The following KCNIP4 variants were observed in gnomAD, a reference collection of about 807,000 sequenced individuals.
KCNIP4 encodes Kv channel-interacting protein 4.
KCNIP4 carries 12 observed loss-of-function variants against 34.0 expected under a neutral mutation model. The ratio of observed to expected loss-of-function variants is 0.35; its 90% CI spans 0.23 to 0.57. KCNIP4 has a LOEUF of 0.57. KCNIP4 is among the 20% of genes least tolerant of loss of function. KCNIP4 has a pLI of 0.83. For missense variants in KCNIP4, 238 were observed against 311.7 expected (o/e 0.76, Z 1.78); for synonymous variants, 124 against 102.2 (o/e 1.21, Z -1.29).
chr4:21,371,721 G>C (rs1243004436), intron 1 of KCNIP4, among the ~76,000 whole-genome samples: 3 of 147,122 alleles, frequency 2.0e-5, no homozygotes. Flanking sequence ...GAATGTACTA[G>C]AAAGAAACAT....
chr4:20,776,418 C>T (rs753716614), intron 3 of KCNIP4, among the ~76,000 whole-genome samples: 39 of 152,184 alleles, frequency 2.6e-4, no homozygotes, highest in Non-Finnish European at 4.6e-4. Context: ...GTTATCTTTG[C>T]TGGGAGATGA....
intron 1 of KCNIP4, among the ~76,000 whole-genome samples, chr4:21,772,556 G>A (rs1431396073): frequency 6.6e-6 from 1 of 151,960 alleles, no homozygotes; most frequent in Non-Finnish European, 1.5e-5. Context: ...TCTGGTCCTG[G>A]GCTTTTATTT....
intron 1 of KCNIP4, among the ~76,000 whole-genome samples, chr4:20,943,846 T>C (rs904397470): frequency 5.9e-5 from 9 of 152,224 alleles, no homozygotes; most frequent in African/African-American, 2.2e-4. Flanking sequence ...TGTCAAATTA[T>C]TGACAATTTT....
chr4:21,314,012 A>G (rs1560282019), intron 1 of KCNIP4, among the ~76,000 whole-genome samples: 1 of 152,172 alleles, frequency 6.6e-6, no homozygotes. Flanking sequence ...GGCTGTGATC[A>G]TATCTGAAGC....
At chr4:21,209,806 A>G (rs572788149) in intron 1 of KCNIP4, among the ~76,000 whole-genome samples, 1 of 152,312 alleles carries the variant, frequency 6.6e-6, no homozygotes, top group South Asian at 2.1e-4. Context: ...TAGGTTCGTG[A>G]TAACTGAGTT....
intron 2 of KCNIP4, among the ~76,000 whole-genome samples, chr4:20,871,224 T>A (rs953365585): frequency 3.3e-5 from 5 of 152,062 alleles, no homozygotes; most frequent in African/African-American, 1.2e-4. Flanking sequence ...CTCTCTCCCA[T>A]GGGCCTGAAA....
intron 2 of KCNIP4, among the ~76,000 whole-genome samples, chr4:20,869,466 TGAG>T (rs1273266978): frequency 2.6e-5 from 4 of 152,158 alleles, no homozygotes; most frequent in Admixed American, 2.6e-4. Context: ...GTTCATATAA[TGAG>T]TAGTAGTATT....
intron 1 of KCNIP4, among the ~76,000 whole-genome samples, chr4:20,907,719 T>A (rs1354558591): frequency 6.6e-6 from 1 of 152,154 alleles, no homozygotes; most frequent in Non-Finnish European, 1.5e-5. Flanking sequence ...ATGTAAATTT[T>A]TTTATTTTTT....
intron 1 of KCNIP4, among the ~76,000 whole-genome samples, chr4:21,135,010 C>T (rs1751391682): frequency 6.6e-6 from 1 of 152,206 alleles, no homozygotes; most frequent in Non-Finnish European, 1.5e-5. Context: ...AGAACTAGAA[C>T]ATGACAATCT....
chr4:21,243,623 C>T (rs1236470428), intron 1 of KCNIP4, among the ~76,000 whole-genome samples: 1 of 152,124 alleles, frequency 6.6e-6, no homozygotes, highest in Non-Finnish European at 1.5e-5. Flanking sequence ...AACTCCAGAA[C>T]TAGAAACTCT....
intron 1 of KCNIP4, among the ~76,000 whole-genome samples, chr4:21,643,254 T>C (rs1449135294): frequency 6.6e-6 from 1 of 152,208 alleles, no homozygotes; most frequent in Non-Finnish European, 1.5e-5. Flanking sequence ...ACTTAAGTAA[T>C]GTTAACTTTA....
intron 1 of KCNIP4, among the ~76,000 whole-genome samples, chr4:20,957,787 T>C (rs1240540748): frequency 7.2e-5 from 11 of 152,212 alleles, no homozygotes; most frequent in Admixed American, 5.9e-4. Context: ...ACATTAATAC[T>C]TGTAATTTAA....
chr4:21,074,213 T>A (rs1209761370), intron 1 of KCNIP4, among the ~76,000 whole-genome samples: 1 of 152,198 alleles, frequency 6.6e-6, no homozygotes, highest in South Asian at 2.1e-4. Context: ...GAAGGAATGG[T>A]ATCAGCTCCT....
At chr4:21,247,865 T>TATATACAC (rs1553845757) in intron 1 of KCNIP4, among the ~76,000 whole-genome samples, 2 of 122,438 alleles carry the variant, frequency 1.6e-5, no homozygotes, top group Admixed American at 1.7e-4. Context: ...TATATATATA[T>TATATACAC]ACACACACAC....
chr4:20,977,176 C>T (rs534914039), intron 1 of KCNIP4, among the ~76,000 whole-genome samples: 1 of 152,128 alleles, frequency 6.6e-6, no homozygotes, highest in African/African-American at 2.4e-5. Flanking sequence ...ACCTCCTATC[C>T]CAGCTAATAT....
At chr4:21,654,705 C>T (rs1436081879) in intron 1 of KCNIP4, among the ~76,000 whole-genome samples, 5 of 151,946 alleles carry the variant, frequency 3.3e-5, no homozygotes, top group Admixed American at 6.6e-5. Context: ...AGGCAGATCA[C>T]GAGGTCAGGA....
At chr4:21,158,315 A>G (rs567411543) in intron 1 of KCNIP4, among the ~76,000 whole-genome samples, 1 of 152,220 alleles carries the variant, frequency 6.6e-6, no homozygotes, top group Non-Finnish European at 1.5e-5. Flanking sequence ...AGCCAGCATT[A>G]CCCCAGTATC....
intron 3 of KCNIP4, among the ~76,000 whole-genome samples, chr4:20,823,220 T>C (rs576354058): frequency 2.0e-5 from 3 of 152,304 alleles, no homozygotes; most frequent in African/African-American, 7.2e-5. Context: ...CCTGTATGAC[T>C]GGCGCATAGA....
intron 1 of KCNIP4, among the ~76,000 whole-genome samples, chr4:21,866,697 G>GA (rs1247100407): frequency 2.8e-5 from 4 of 145,410 alleles, no homozygotes; most frequent in Non-Finnish European, 4.5e-5. Flanking sequence ...TTCTGTTTCA[G>GA]AAAAATGTAA....
Sources: gnomAD v4.1 joint callset for allele counts (sites outside exome capture counted in the v4.1 genomes callset) on GRCh38, gnomAD v4.1.1 for gene constraint, MANE v1.5 for transcripts, NCBI Gene and HGNC (gene_info 2026-07-23, HGNC 2026-07-21) for gene names.